The following GAS2 variants were observed in gnomAD, a reference collection of about 807,000 sequenced individuals.
GAS2 encodes the protein growth arrest specific 2, also known as growth arrest-specific protein 2.
In GAS2, 20 loss-of-function variants were observed where a neutral mutation model predicts 37.5. The ratio of observed to expected loss-of-function variants is 0.53; its 90% CI spans 0.37 to 0.77. GAS2 has a LOEUF of 0.77. GAS2 is among the 30% of genes least tolerant of loss of function. GAS2 has a pLI of 0.00. For synonymous variants in GAS2, 144 were observed against 132.2 expected (o/e 1.09, Z -0.61); for missense variants, 336 against 373.4 (o/e 0.90, Z 0.82).
chr11:22,790,620 C>T (rs1467951391), intron 7 of GAS2, among the ~76,000 whole-genome samples: 9 of 138,980 alleles, frequency 6.5e-5, no homozygotes, highest in Non-Finnish European at 1.1e-4. Flanking sequence ...GACAGAGTCT[C>T]GCTCAGTCAC....
intron 7 of GAS2, 46 bp downstream of exon 7, chr11:22,755,999 G>A: frequency 7.5e-7 from 1 of 1,339,428 alleles, no homozygotes; most frequent in East Asian, 2.3e-5. Context: ...GGAAGATTCA[G>A]AATTTGAGTT....
intron 6 of GAS2, among the ~76,000 whole-genome samples, chr11:22,753,596 C>T (rs184544811): frequency 1.3e-5 from 2 of 152,146 alleles, no homozygotes; most frequent in African/African-American, 4.8e-5. Context: ...CATGATCCTC[C>T]TAAAGTTCAG....
rs61240215 is a variant in GAS2 at position 22,713,064 on chromosome 11, C to CAA, written c.268-13213_268-13212dup. ...CCTGATCAGCAGGGTGAGACTGTGT[C>CAA]AAAAAAAAAAAAAAAAGAAAAGAAA... On this transcript the variant is annotated intron_variant, in intron 3 of 7. Transcript: ENST00000454584. Among the ~76,000 whole-genome samples, 382 of 112,026 alleles carry CAA rather than the reference C, an allele frequency of 3.4e-3. 2 individuals carry two copies. The highest frequency in any genetic ancestry group is 0.012 in the African/African-American group (341 of 29,624). 73.5% of individuals were successfully genotyped at this position (112,026 alleles called of 152,430 possible).
chr11:22,693,434 A>G (rs533305709), intron 3 of GAS2, among the ~76,000 whole-genome samples: 1 of 152,146 alleles, frequency 6.6e-6, no homozygotes, highest in South Asian at 2.1e-4. Context: ...ATCTTTTTTT[A>G]CTGATTTTCA....
intron 1 of GAS2, among the ~76,000 whole-genome samples, chr11:22,651,477 T>G (rs543624078): frequency 1.0e-3 from 159 of 152,326 alleles, no homozygotes; most frequent in African/African-American, 3.7e-3. Context: ...CCTTGCTAGA[T>G]TGGGGAAATT....
At chr11:22,784,959 C>A (rs932190922) in intron 7 of GAS2, among the ~76,000 whole-genome samples, 1 of 152,166 alleles carries the variant, frequency 6.6e-6, no homozygotes, top group Non-Finnish European at 1.5e-5. Flanking sequence ...AAACCTGACA[C>A]AGGCAATCCT....
At chr11:22,792,224 G>T (rs1307365362) in intron 7 of GAS2, among the ~76,000 whole-genome samples, 1 of 152,158 alleles carries the variant, frequency 6.6e-6, no homozygotes, top group African/African-American at 2.4e-5. Flanking sequence ...TAGTATGCCA[G>T]CTGGGCCCTA....
intron 7 of GAS2, among the ~76,000 whole-genome samples, chr11:22,771,460 G>C (rs72973117): frequency 0.15 from 23,076 of 151,938 alleles, 1,805 homozygotes; most frequent in Non-Finnish European, 0.17. Flanking sequence ...CACATTTTTT[G>C]CTCCTGACAC....
At chr11:22,713,371 A>C (rs1302984500) in intron 3 of GAS2, among the ~76,000 whole-genome samples, 2 of 151,908 alleles carry the variant, frequency 1.3e-5, no homozygotes, top group African/African-American at 4.8e-5. Context: ...TTAAATGACC[A>C]AACATAAGAA....
At chr11:22,695,330 A>T (rs1412297756) in intron 3 of GAS2, among the ~76,000 whole-genome samples, 1 of 152,048 alleles carries the variant, frequency 6.6e-6, no homozygotes, top group African/African-American at 2.4e-5. Context: ...AAAAAGAAAA[A>T]AAAAAGACTC....
chr11:22,645,367 G>C (rs1411631896), intron 1 of GAS2, among the ~76,000 whole-genome samples: 1 of 152,008 alleles, frequency 6.6e-6, no homozygotes, highest in East Asian at 1.9e-4. Flanking sequence ...AATTAGCCAG[G>C]TGTGGTAGCA....
intron 3 of GAS2, among the ~76,000 whole-genome samples, chr11:22,688,040 C>T (rs966857517): frequency 6.6e-6 from 1 of 152,078 alleles, no homozygotes; most frequent in African/African-American, 2.4e-5. Flanking sequence ...GCAAAGATTC[C>T]CAAATAGATT....
intron 7 of GAS2, among the ~76,000 whole-genome samples, chr11:22,787,852 TGTTA>T (rs767093508): frequency 3.3e-5 from 5 of 152,220 alleles, no homozygotes; most frequent in Non-Finnish European, 4.4e-5. Context: ...CTTGGTATCT[TGTTA>T]GTTCTTTTGA....
intron 1 of GAS2, among the ~76,000 whole-genome samples, chr11:22,644,944 G>T (rs1469640518): frequency 6.6e-6 from 1 of 152,068 alleles, no homozygotes; most frequent in Admixed American, 6.6e-5. Context: ...TGTTATCTTA[G>T]AATGAAATGT....
chr11:22,771,173 C>T (rs1854960214), intron 7 of GAS2, among the ~76,000 whole-genome samples: 1 of 151,482 alleles, frequency 6.6e-6, no homozygotes, highest in Non-Finnish European at 1.5e-5. Flanking sequence ...AATCTCAGAT[C>T]TATTGTGGGT....
chr11:22,651,078 A>G (rs1848769532), intron 1 of GAS2, among the ~76,000 whole-genome samples: 1 of 152,092 alleles, frequency 6.6e-6, no homozygotes, highest in South Asian at 2.1e-4. Flanking sequence ...TTCCATGTTT[A>G]GCACTTCCTT....
intron 4 of GAS2, among the ~76,000 whole-genome samples, chr11:22,728,689 C>A (rs1266684836): frequency 1.3e-5 from 2 of 151,704 alleles, no homozygotes; most frequent in African/African-American, 4.8e-5. Context: ...ATTTCTCCTG[C>A]TCAGAATAGA....
chr11:22,720,192 T>C (rs2134132232), intron 3 of GAS2, among the ~76,000 whole-genome samples: 1 of 152,196 alleles, frequency 6.6e-6, no homozygotes, highest in Admixed American at 6.6e-5. Context: ...AATATTCCTA[T>C]GGCATTACAG....
chr11:22,810,575 A>G (rs1470057592), intron 7 of GAS2, among the ~76,000 whole-genome samples: 2 of 152,242 alleles, frequency 1.3e-5, no homozygotes, highest in Non-Finnish European at 2.9e-5. Flanking sequence ...CTTATAAATC[A>G]AATAGCTTTA....
Sources: allele counts gnomAD v4.1 joint callset (sites outside exome capture counted in the v4.1 genomes callset), GRCh38; gene constraint gnomAD v4.1.1; transcripts MANE v1.5; gene names NCBI Gene and HGNC (gene_info 2026-07-23, HGNC 2026-07-21).